LRP1B: variants seen among roughly 807,000 people sequenced by gnomAD.
LRP1B encodes low-density lipoprotein receptor-related protein 1B.
Under a neutral mutation model 556.6 loss-of-function variants are expected in LRP1B, and 217 were observed. That is an observed-to-expected ratio of 0.39 (90% confidence interval 0.35 to 0.44). LRP1B has a LOEUF of 0.44. Ranked by LOEUF, LRP1B falls within the 20% of genes least tolerant of loss-of-function variation. The probability of loss-of-function intolerance (pLI) is 1.00; values close to 1 mark genes in which losing one functional copy is unlikely to be tolerated. For missense variants in LRP1B, 5,053 were observed against 5,620.8 expected (o/e 0.90, Z 3.23); for synonymous variants, 2,047 against 1,865.8 (o/e 1.10, Z -2.50).
chr2:141,923,480 GTGTGTGT>G (rs756439314), intron 1 of LRP1B, among the ~76,000 whole-genome samples: 2,937 of 127,074 alleles, frequency 0.023, 79 homozygotes, highest in Non-Finnish European at 0.033. Context: ...GTGTGTGTGT[GTGTGTGT>G]AGAGAGAGGG....
At chr2:140,372,906 C>T (rs2105170489) in intron 69 of LRP1B, 102 bp downstream of exon 69, 2 of 1,204,458 alleles carry the variant, frequency 1.7e-6, no homozygotes, top group Admixed American at 1.9e-5. Flanking sequence ...AAATGGTAAA[C>T]ATATGACATA....
intron 33 of LRP1B, 30 bp downstream of exon 33, chr2:140,776,068 A>G: frequency 1.3e-6 from 2 of 1,504,442 alleles, no homozygotes; most frequent in South Asian, 2.5e-5. Flanking sequence ...CGTATTCAAG[A>G]CCTGGCACAA....
At chr2:140,673,932 CTTTTCTT>C (rs1181746245) in intron 41 of LRP1B, among the ~76,000 whole-genome samples, 140 of 146,818 alleles carry the variant, frequency 9.5e-4, no homozygotes, top group African/African-American at 2.2e-3. Context: ...AAATATATCT[CTTTTCTT>C]TTTTCTTTTT....
At chr2:141,553,820 GATATAGGTATATAATATATCTATATTA>G (rs1317287466) in intron 2 of LRP1B, among the ~76,000 whole-genome samples, 7 of 132,550 alleles carry the variant, frequency 5.3e-5, no homozygotes, top group African/African-American at 1.7e-4. Flanking sequence ...TATATTAATA[GATATAGGTATATAATATATCTATATTA>G]ATATAGTTAT....
chr2:140,748,799 CAT>C (rs1491264397), intron 35 of LRP1B, among the ~76,000 whole-genome samples: 542 of 18,430 alleles, frequency 0.029, 53 homozygotes, highest in Non-Finnish European at 0.051. Flanking sequence ...ATATTATATA[CAT>C]ATTATATACA....
rs2105464748 is a variant in LRP1B at position 140,716,817 on chromosome 2, C to A, written c.5759-1G>T. Reference sequence around the variant, plus strand: ...TCTGTCCAGTAGATGGTATCATTTTCTATGGATAAGACACAGAAAAAAAAT... The same window carrying A: ...TCTGTCCAGTAGATGGTATCATTTTATATGGATAAGACACAGAAAAAAAAT... On this transcript the variant is annotated splice_acceptor_variant, in intron 35 of 90. Transcript: ENST00000389484. LOFTEE classifies it high-confidence loss of function. 6.4e-7 allele frequency: 1 copy of A among 1,569,154 alleles called. No individual in the cohort carries two copies. Among genetic ancestry groups the A allele is most frequent in the Non-Finnish European group, 8.7e-7 (1 of 1,152,008 alleles).
At chr2:140,976,167 A>C (rs1696589956) in intron 18 of LRP1B, among the ~76,000 whole-genome samples, 1 of 151,910 alleles carries the variant, frequency 6.6e-6, no homozygotes. Context: ...TGATCCACCT[A>C]CATCAGCCTG....
intron 67 of LRP1B, among the ~76,000 whole-genome samples, chr2:140,385,440 A>G (rs1030628574): frequency 1.4e-4 from 21 of 152,216 alleles, no homozygotes; most frequent in Admixed American, 2.6e-4. Flanking sequence ...TGAATATATA[A>G]GGTGTTGACT....
chr2:141,603,341 T>C (rs1016462010), intron 2 of LRP1B, among the ~76,000 whole-genome samples: 4 of 152,188 alleles, frequency 2.6e-5, no homozygotes, highest in Non-Finnish European at 4.4e-5. Flanking sequence ...TATGTGTGTA[T>C]GCATGCGTTT....
chr2:140,530,727 G>T (rs1366126306), intron 47 of LRP1B, among the ~76,000 whole-genome samples: 2 of 152,040 alleles, frequency 1.3e-5, no homozygotes, highest in African/African-American at 2.4e-5. Context: ...CAAATGTCCT[G>T]CATTCAGCGT....
intron 1 of LRP1B, among the ~76,000 whole-genome samples, chr2:141,944,066 A>G (rs1333670602): frequency 6.6e-6 from 1 of 152,094 alleles, no homozygotes; most frequent in Non-Finnish European, 1.5e-5. Context: ...CCCAGTGCGC[A>G]GATTTGTTGG....
At chr2:141,613,736 A>C (rs1688189203) in intron 2 of LRP1B, among the ~76,000 whole-genome samples, 1 of 152,102 alleles carries the variant, frequency 6.6e-6, no homozygotes, top group Non-Finnish European at 1.5e-5. Flanking sequence ...GTTTTGAAGA[A>C]AGTGTTAAGA....
intron 2 of LRP1B, among the ~76,000 whole-genome samples, chr2:141,636,696 G>A (rs1452309208): frequency 6.6e-6 from 1 of 151,956 alleles, no homozygotes; most frequent in Admixed American, 6.6e-5. Flanking sequence ...CCTACAGTAG[G>A]AGAGTGGCTA....
At chr2:141,613,319 T>A (rs1433171539) in intron 2 of LRP1B, among the ~76,000 whole-genome samples, 1 of 152,142 alleles carries the variant, frequency 6.6e-6, no homozygotes, top group Non-Finnish European at 1.5e-5. Flanking sequence ...TACTGGGACC[T>A]CTAGAAAGTG....
intron 7 of LRP1B, among the ~76,000 whole-genome samples, chr2:141,089,732 C>T (rs1700131664): frequency 6.6e-6 from 1 of 152,082 alleles, no homozygotes; most frequent in Non-Finnish European, 1.5e-5. Context: ...TACCTCCCAT[C>T]GAACCAGTAA....
intron 7 of LRP1B, among the ~76,000 whole-genome samples, chr2:141,156,945 C>T (rs62172451): frequency 0.078 from 11,871 of 152,096 alleles, 611 homozygotes; most frequent in Middle Eastern, 0.19. Flanking sequence ...GAATACTCAG[C>T]AGAACACCAT....
chr2:140,698,153 C>T (rs185775150), intron 41 of LRP1B, among the ~76,000 whole-genome samples: 211 of 151,940 alleles, frequency 1.4e-3, no homozygotes, highest in African/African-American at 4.9e-3. Context: ...TGCCATACTA[C>T]CTGCATTTCA....
intron 3 of LRP1B, among the ~76,000 whole-genome samples, chr2:141,291,585 G>A (rs1041807623): frequency 1.3e-4 from 19 of 151,988 alleles, no homozygotes; most frequent in African/African-American, 4.3e-4. Flanking sequence ...GGCCGGGCGC[G>A]GTGGCTCACG....
At chr2:142,059,849 A>G (rs1704837129) in intron 1 of LRP1B, among the ~76,000 whole-genome samples, 1 of 152,116 alleles carries the variant, frequency 6.6e-6, no homozygotes, top group South Asian at 2.1e-4. Context: ...AAGTATTGGG[A>G]TAATTTTACC....
Sources: gnomAD v4.1 joint callset for allele counts (sites outside exome capture counted in the v4.1 genomes callset) on GRCh38, gnomAD v4.1.1 for gene constraint, MANE v1.5 for transcripts, NCBI Gene and HGNC (gene_info 2026-07-23, HGNC 2026-07-21) for gene names.